Variants in FLRT2 observed in about 807,000 individuals in gnomAD.
FLRT2 encodes fibronectin leucine rich transmembrane protein 2, also known as leucine-rich repeat transmembrane protein FLRT2.
Under a neutral mutation model 40.0 loss-of-function variants are expected in FLRT2, and 15 were observed. The ratio of observed to expected loss-of-function variants is 0.38; its 90% confidence interval spans 0.25 to 0.58. FLRT2 has a LOEUF of 0.58. FLRT2 is among the 20% of genes least tolerant of loss of function. The probability of loss-of-function intolerance (pLI) is 0.71; values close to 1 mark genes in which losing one functional copy is unlikely to be tolerated. For missense variants in FLRT2, 726 were observed against 840.0 expected (o/e 0.86, Z 1.68); for synonymous variants, 380 against 336.8 (o/e 1.13, Z -1.41).
rs1443708533 is a variant in FLRT2, at chr14:85,581,167, T to C, written c.-376-39972T>C. Among the ~76,000 whole-genome samples the C allele has an allele frequency of 4.6e-5, 7 of 152,308 alleles. No individual in the cohort carries two copies. In the East Asian group the frequency reaches 1.2e-3, roughly 25 times the overall value. On this transcript the variant is annotated intron_variant, in intron 1 of 1. Coordinates refer to ENST00000330753, the MANE Select transcript of FLRT2 (RefSeq NM_013231.6). ...ATTTGCGCGACCGCCCACAGTGGGA[T>C]GGTATTAAAACATTCTGATCTAGAT...
rs1893498163 is a variant in FLRT2 at position 85,623,101 on chromosome 14, T to C, written c.1587T>C (p.His529=). 1 of 1,613,484 alleles carries C rather than the reference T, an allele frequency of 6.2e-7. No individual in the cohort carries two copies. Among genetic ancestry groups the C allele is most frequent in the Non-Finnish European group, 8.5e-7 (1 of 1,179,614 alleles). ...LNNGSNTASS[H]EQTTSHSMGS... ...ACGGCAGCAACACAGCGTCCAGCCA[T>C]GAGCAGACGACGTCCCACAGCATGG... Residue 529 remains histidine, a synonymous_variant, in exon 2 of 2, where the codon CAT becomes CAC. Transcript: ENST00000330753.
In FLRT2 at chr14:85,640,176, TTATCTAAC is replaced by T. The variant is rs1347895620; in HGVS notation, c.*16682_*16689del. ...TAGCAGAAATTCTTAACAGTTATTG[TTATCTAAC>T]TACTTGACTAGTGTAGATTCTGCTG... On this transcript the variant is annotated 3_prime_UTR_variant, in exon 2 of 2. Transcript: ENST00000330753. The T allele has an allele frequency of 6.6e-5, 10 of 152,362 alleles. 1 individual carries two copies. The highest frequency in any genetic ancestry group is 6.5e-4 in the Admixed American group (10 of 15,310). The allele number at this position is 152,362 out of a possible 1,614,324, so 9.4% of individuals were successfully genotyped here. A position where few individuals can be genotyped will look rare whatever the true frequency, so the allele number is the denominator to read the frequency against.
intron 1 of FLRT2, among the ~76,000 whole-genome samples, chr14:85,558,563 A>G (rs899832164): frequency 4.6e-5 from 7 of 152,194 alleles, no homozygotes; most frequent in African/African-American, 1.7e-4. Flanking sequence ...GCAGTTTCAA[A>G]GGAGGAGTCT....
intron 1 of FLRT2, among the ~76,000 whole-genome samples, chr14:85,591,495 G>T (rs1891883485): frequency 6.6e-6 from 1 of 152,182 alleles, no homozygotes; most frequent in South Asian, 2.1e-4. Context: ...TGTCTTGTGG[G>T]AATGCCTTTT....
At chr14:85,538,216 T>C (rs988925197) in intron 1 of FLRT2, among the ~76,000 whole-genome samples, 2 of 152,128 alleles carry the variant, frequency 1.3e-5, no homozygotes, top group African/African-American at 4.8e-5. Flanking sequence ...CAAAGCAGTG[T>C]CATTGTTACA....
chr14:85,576,447 G>T (rs1179845460), intron 1 of FLRT2, among the ~76,000 whole-genome samples: 1 of 152,166 alleles, frequency 6.6e-6, no homozygotes, highest in African/African-American at 2.4e-5. Flanking sequence ...TTTATGAAGT[G>T]CTAAACCATT....
At chr14:85,558,358 T>C (rs1268780321) in intron 1 of FLRT2, among the ~76,000 whole-genome samples, 1 of 152,002 alleles carries the variant, frequency 6.6e-6, no homozygotes, top group Non-Finnish European at 1.5e-5. Flanking sequence ...TAAATAAGGA[T>C]AAAAGAAAAA....
rs1264529956 is a variant in FLRT2, at chr14:85,650,165, C to G, written c.*26668C>G. 1 of 151,990 alleles carries G rather than the reference C, an allele frequency of 6.6e-6. No homozygotes were observed. Among genetic ancestry groups the G allele is most frequent in the Non-Finnish European group, 1.5e-5 (1 of 67,934 alleles). The allele number at this position is 151,990 out of a possible 1,614,324, so 9.4% of individuals were successfully genotyped here. On this transcript the variant is annotated 3_prime_UTR_variant, in exon 2 of 2. Coordinates refer to ENST00000330753, the MANE Select transcript of FLRT2 (RefSeq NM_013231.6). The stretch of plus-strand genomic sequence containing the variant: ...CATATGTATTGATGTACAGTATAGC[C>G]TTATTTTACGTGTTTTAAATTTATA...
chr14:85,624,762 A>AT lies in FLRT2; in HGVS notation c.*1265_*1266insT, dbSNP rs28364861. 36 of 167,152 alleles carry AT rather than the reference A, an allele frequency of 2.2e-4. No homozygotes were observed. In the East Asian group the frequency reaches 3.1e-3, roughly 14 times the overall value. 10.4% of individuals were successfully genotyped at this position (167,152 alleles called of 1,614,324 possible). ...TGGCTGCACAAGATATCCATTACGT[A>AT]CTTATACATTTTAAAATGAGTACTA... On this transcript the variant is annotated 3_prime_UTR_variant, in exon 2 of 2. Coordinates refer to ENST00000330753, the MANE Select transcript of FLRT2 (RefSeq NM_013231.6).
intron 1 of FLRT2, among the ~76,000 whole-genome samples, chr14:85,619,079 C>A (rs2139365284): frequency 6.8e-6 from 1 of 147,232 alleles, no homozygotes; most frequent in African/African-American, 2.5e-5. Context: ...TTAAATAATG[C>A]TTGACTTTTT....
At chr14:85,610,072 G>A (rs1892792514) in intron 1 of FLRT2, among the ~76,000 whole-genome samples, 1 of 152,164 alleles carries the variant, frequency 6.6e-6, no homozygotes, top group Non-Finnish European at 1.5e-5. Context: ...CATGATAGAA[G>A]TCAAGAGACC....
chr14:85,567,773 TG>T (rs373886242), intron 1 of FLRT2, among the ~76,000 whole-genome samples: 90 of 151,196 alleles, frequency 6.0e-4, no homozygotes, highest in African/African-American at 2.1e-3. Flanking sequence ...TCCGAGTAGC[TG>T]GGATTACAGG....
chr14:85,569,752 A>G (rs562006423), intron 1 of FLRT2, among the ~76,000 whole-genome samples: 1 of 152,374 alleles, frequency 6.6e-6, no homozygotes, highest in South Asian at 2.1e-4. Context: ...ACAATAGCAG[A>G]ATACCAACCC....
chr14:85,591,829 G>A (rs1891897869), intron 1 of FLRT2, among the ~76,000 whole-genome samples: 2 of 152,282 alleles, frequency 1.3e-5, no homozygotes, highest in South Asian at 2.1e-4. Flanking sequence ...GTGAGGTGGT[G>A]TTTTGTCTGG....
At chr14:85,606,322 G>A (rs1387347511) in intron 1 of FLRT2, among the ~76,000 whole-genome samples, 1 of 152,014 alleles carries the variant, frequency 6.6e-6, no homozygotes, top group Non-Finnish European at 1.5e-5. Flanking sequence ...TGGAATATTG[G>A]TAGGAAATTT....
chr14:85,584,754 G>A (rs147245265), intron 1 of FLRT2, among the ~76,000 whole-genome samples: 10 of 152,262 alleles, frequency 6.6e-5, no homozygotes, highest in South Asian at 4.2e-4. Flanking sequence ...TTGCAGAGGC[G>A]GTGTGCATGT....
Position 85,530,517 on chromosome 14 carries a change from A to G in FLRT2, c.-394A>G, listed in dbSNP as rs1888204037. 1 of 152,580 alleles carries G rather than the reference A, an allele frequency of 6.6e-6. No homozygotes were observed. Among genetic ancestry groups the G allele is most frequent in the Non-Finnish European group, 1.5e-5 (1 of 68,048 alleles). The allele number at this position is 152,580 out of a possible 1,614,324, so 9.5% of individuals were successfully genotyped here. On this transcript the variant is annotated 5_prime_UTR_variant, in exon 1 of 2. Coordinates refer to ENST00000330753, the MANE Select transcript of FLRT2 (RefSeq NM_013231.6). Reference sequence around the variant, plus strand: ...GGATTCGGATGAGCCCATTGCAAGGAGAAGACGCAGCCGTCAGGTAAAAGG... The same window carrying G: ...GGATTCGGATGAGCCCATTGCAAGGGGAAGACGCAGCCGTCAGGTAAAAGG...
Position 85,613,336 on chromosome 14 carries a change from G to T in FLRT2, c.-376-7803G>T, listed in dbSNP as rs1035090718. Among the ~76,000 whole-genome samples the T allele has an allele frequency of 7.2e-5, 11 of 152,208 alleles. 1 individual carries two copies. Among genetic ancestry groups the T allele is most frequent in the Admixed American group, 7.2e-4 (11 of 15,284 alleles). On this transcript the variant is annotated intron_variant, in intron 1 of 1. Transcript: ENST00000330753. The stretch of plus-strand genomic sequence containing the variant: ...AGTACTATAAGTCAATAAGAGCATG[G>T]AATTTGATGTTATTTGGTTAAAACA...
intron 1 of FLRT2, among the ~76,000 whole-genome samples, chr14:85,603,895 A>T (rs1381583103): frequency 6.6e-6 from 1 of 152,196 alleles, no homozygotes; most frequent in Non-Finnish European, 1.5e-5. Flanking sequence ...AATGGAGAAC[A>T]GATCCGAAAT....
Sources: allele counts gnomAD v4.1 joint callset (sites outside exome capture counted in the v4.1 genomes callset), GRCh38; gene constraint gnomAD v4.1.1; transcripts MANE v1.5; gene names NCBI Gene and HGNC (gene_info 2026-07-23, HGNC 2026-07-21).